The following ARHGAP15 variants were observed in gnomAD, a reference collection of about 807,000 sequenced individuals.
ARHGAP15 encodes rho GTPase-activating protein 15.
In ARHGAP15, 51 loss-of-function variants were observed where a neutral mutation model predicts 63.7. That is an observed-to-expected ratio of 0.80 (90% CI 0.64 to 1.01). ARHGAP15 has a LOEUF of 1.01. ARHGAP15 is among the 50% of genes least tolerant of loss of function. The pLI, the probability that ARHGAP15 is intolerant of heterozygous loss-of-function variation, is 0.00. For missense variants in ARHGAP15, 560 were observed against 564.6 expected (o/e 0.99, Z 0.08); for synonymous variants, 191 against 193.8 (o/e 0.99, Z 0.12).
intron 10 of ARHGAP15, among the ~76,000 whole-genome samples, chr2:143,533,945 T>C (rs913871242): frequency 2.6e-5 from 4 of 152,224 alleles, no homozygotes; most frequent in Non-Finnish European, 4.4e-5. Context: ...AGGTTGTTAC[T>C]GGGGAAGACT....
intron 12 of ARHGAP15, among the ~76,000 whole-genome samples, chr2:143,670,998 A>G (rs951100961): frequency 2.6e-5 from 4 of 152,106 alleles, no homozygotes; most frequent in African/African-American, 9.7e-5. Flanking sequence ...CTTTCATTAC[A>G]CTACACCTCC....
chr2:143,501,721 A>C (rs1194839389), intron 9 of ARHGAP15, among the ~76,000 whole-genome samples: 2 of 152,224 alleles, frequency 1.3e-5, no homozygotes, highest in African/African-American at 2.4e-5. Flanking sequence ...TACTAAACAC[A>C]TGAAGAGAGA....
intron 6 of ARHGAP15, among the ~76,000 whole-genome samples, chr2:143,306,184 G>A (rs762582144): frequency 2.0e-5 from 3 of 151,984 alleles, no homozygotes; most frequent in Admixed American, 6.6e-5. Context: ...AAAATACTGC[G>A]TGACAGAAAA....
chr2:143,636,974 G>T (rs927286193), intron 12 of ARHGAP15, among the ~76,000 whole-genome samples: 1 of 152,098 alleles, frequency 6.6e-6, no homozygotes, highest in African/African-American at 2.4e-5. Flanking sequence ...CCTTCTCATT[G>T]TGTACTCAAA....
chr2:143,548,629 A>G (rs1323354425), intron 10 of ARHGAP15, among the ~76,000 whole-genome samples: 2 of 152,000 alleles, frequency 1.3e-5, no homozygotes, highest in African/African-American at 4.8e-5. Flanking sequence ...TATTTTCCAT[A>G]TGAATCCCCT....
chr2:143,613,195 A>G (rs994081931), intron 11 of ARHGAP15, among the ~76,000 whole-genome samples: 2 of 152,172 alleles, frequency 1.3e-5, no homozygotes, highest in African/African-American at 4.8e-5. Context: ...CAAACCATCC[A>G]TTTCTTTTTC....
At chr2:143,687,511 T>C (rs1683404007) in intron 12 of ARHGAP15, among the ~76,000 whole-genome samples, 1 of 152,232 alleles carries the variant, frequency 6.6e-6, no homozygotes, top group South Asian at 2.1e-4. Flanking sequence ...TTATATCTTC[T>C]GTACTCTCTC....
Position 143,534,395 on chromosome 2 carries a change from A to C in ARHGAP15, c.925+15031A>C, listed in dbSNP as rs565682638. On this transcript the variant is annotated intron_variant, in intron 10 of 13. Transcript: ENST00000295095. The stretch of plus-strand genomic sequence containing the variant: ...GTTATAGCAGTATGAGCATGGGCTA[A>C]TACAGACCCAGTGATGTATACACAG... Among the ~76,000 whole-genome samples, 5 of 152,312 alleles carry C rather than the reference A, an allele frequency of 3.3e-5. No individual in the cohort carries two copies. In the South Asian group the frequency reaches 1.0e-3, roughly 32 times the overall value.
chr2:143,616,969 A>G (rs1232973680), intron 11 of ARHGAP15, among the ~76,000 whole-genome samples: 4 of 152,182 alleles, frequency 2.6e-5, no homozygotes, highest in Non-Finnish European at 2.9e-5. Context: ...CAACCATGCA[A>G]TATTTCCACT....
chr2:143,758,958 T>C (rs979793411), intron 13 of ARHGAP15, among the ~76,000 whole-genome samples: 1 of 152,188 alleles, frequency 6.6e-6, no homozygotes, highest in Non-Finnish European at 1.5e-5. Flanking sequence ...GAACCACGGA[T>C]CGAATTGTTA....
chr2:143,433,083 T>A (rs563110892), intron 6 of ARHGAP15, among the ~76,000 whole-genome samples: 10 of 152,076 alleles, frequency 6.6e-5, no homozygotes, highest in African/African-American at 1.9e-4. Context: ...CTAACATTCT[T>A]TACTGATGTC....
chr2:143,142,983 T>C (rs1310778944), intron 1 of ARHGAP15, among the ~76,000 whole-genome samples: 2 of 152,144 alleles, frequency 1.3e-5, no homozygotes, highest in Non-Finnish European at 2.9e-5. Context: ...TTTTTTACTT[T>C]AATGTGTCCA....
chr2:143,174,863 A>G (rs562446446), intron 2 of ARHGAP15, among the ~76,000 whole-genome samples: 2 of 152,288 alleles, frequency 1.3e-5, no homozygotes, highest in African/African-American at 4.8e-5. Flanking sequence ...AACACAATGT[A>G]TCCCGAAAAA....
At chr2:143,585,036 C>A (rs1697058847) in intron 11 of ARHGAP15, among the ~76,000 whole-genome samples, 2 of 152,124 alleles carry the variant, frequency 1.3e-5, no homozygotes, top group Admixed American at 6.5e-5. Flanking sequence ...CAGAAACATA[C>A]TGGGTGTTAA....
At chr2:143,162,910 C>G (rs1690355303) in intron 2 of ARHGAP15, among the ~76,000 whole-genome samples, 2 of 151,984 alleles carry the variant, frequency 1.3e-5, no homozygotes, top group Admixed American at 1.3e-4. Context: ...AGTGTGCACT[C>G]ACGAACAGGT....
chr2:143,380,992 G>A (rs1483230537), intron 6 of ARHGAP15, among the ~76,000 whole-genome samples: 1 of 152,156 alleles, frequency 6.6e-6, no homozygotes, highest in East Asian at 1.9e-4. Flanking sequence ...CTGTATCTTG[G>A]TGTGTGAATG....
chr2:143,461,828 A>G (rs1690955134), intron 8 of ARHGAP15, among the ~76,000 whole-genome samples: 1 of 152,114 alleles, frequency 6.6e-6, no homozygotes, highest in African/African-American at 2.4e-5. Flanking sequence ...CCTTAAACAA[A>G]TAGGTCTTAG....
At chr2:143,596,511 C>G (rs1697523891) in intron 11 of ARHGAP15, among the ~76,000 whole-genome samples, 1 of 151,928 alleles carries the variant, frequency 6.6e-6, no homozygotes, top group African/African-American at 2.4e-5. Context: ...CTTGTGTCAC[C>G]CTATATGATG....
chr2:143,518,498 C>A (rs1693919285), intron 9 of ARHGAP15, among the ~76,000 whole-genome samples: 1 of 152,224 alleles, frequency 6.6e-6, no homozygotes, highest in Non-Finnish European at 1.5e-5. Flanking sequence ...TGGGGATTCA[C>A]AGCACACATT....
Sources: allele counts gnomAD v4.1 joint callset (sites outside exome capture counted in the v4.1 genomes callset), GRCh38; gene constraint gnomAD v4.1.1; transcripts MANE v1.5; gene names NCBI Gene and HGNC (gene_info 2026-07-23, HGNC 2026-07-21).